The following BMPR2 variants were observed in gnomAD, a reference collection of about 807,000 sequenced individuals.
The protein encoded by BMPR2 is bone morphogenetic protein receptor type 2, also known as bone morphogenetic protein receptor type-2.
BMPR2 carries 29 observed loss-of-function variants against 100.8 expected under a neutral mutation model. The ratio of observed to expected loss-of-function variants is 0.29; its 90% confidence interval spans 0.21 to 0.39. The LOEUF is 0.39. Among genes scored for constraint, BMPR2 ranks in the 10% least tolerant of loss-of-function variants. The probability of loss-of-function intolerance (pLI) is 1.00; values close to 1 mark genes in which losing one functional copy is unlikely to be tolerated. For synonymous variants in BMPR2, 382 were observed against 442.3 expected, an observed-to-expected ratio of 0.86 and a Z score of 1.71; for missense variants, 1,011 against 1,274.5, an observed-to-expected ratio of 0.79 and a Z score of 3.15.
At chr2:202,452,428 G>A (rs1395442150) in intron 1 of BMPR2, among the ~76,000 whole-genome samples, 1 of 152,136 alleles carries the variant, frequency 6.6e-6, no homozygotes, top group Non-Finnish European at 1.5e-5. Context: ...TATTGTATGA[G>A]TTTTTGTGTG....
chr2:202,519,126 C>T lies in BMPR2; in HGVS notation c.852+74C>T, dbSNP rs571356333. 257 of 1,475,806 alleles carry T rather than the reference C, an allele frequency of 1.7e-4. 1 individual carries two copies. The South Asian group carries it at 2.7e-3, about 16-fold the overall frequency. The allele number at this position is 1,475,806 out of a possible 1,614,324, so 91.4% of individuals were successfully genotyped here. ...CCTGTAATCCCAGCACTTTTGGAGG[C>T]TAAGGCAGGTGGATCACTTGAGGCC... On this transcript the variant is annotated intron_variant, in intron 6 of 12. Transcript: ENST00000374580.
At chr2:202,550,655 TAGTC>T (rs1432044981) in intron 10 of BMPR2, among the ~76,000 whole-genome samples, 2 of 152,072 alleles carry the variant, frequency 1.3e-5, no homozygotes, top group Non-Finnish European at 2.9e-5. Flanking sequence ...AGTGGTGCCT[TAGTC>T]AGGCACAGTG....
intron 1 of BMPR2, among the ~76,000 whole-genome samples, chr2:202,462,055 C>T (rs1692235491): frequency 1.3e-5 from 2 of 152,024 alleles, no homozygotes; most frequent in South Asian, 4.1e-4. Flanking sequence ...GGTCTTTCCA[C>T]CTGCAAAGCT....
At chr2:202,388,727 G>A (rs1690485327) in intron 1 of BMPR2, among the ~76,000 whole-genome samples, 1 of 151,118 alleles carries the variant, frequency 6.6e-6, no homozygotes, top group Non-Finnish European at 1.5e-5. Context: ...GGTGGAGGTT[G>A]CAGTGAGCCG....
chr2:202,444,729 A>G (rs1234684049), intron 1 of BMPR2, among the ~76,000 whole-genome samples: 1 of 150,748 alleles, frequency 6.6e-6, no homozygotes, highest in Non-Finnish European at 1.5e-5. Flanking sequence ...GAAGTAGTGT[A>G]TCTTACATTT....
chr2:202,553,643 C>T (rs1446683159), intron 11 of BMPR2, among the ~76,000 whole-genome samples: 3 of 151,694 alleles, frequency 2.0e-5, no homozygotes, highest in Non-Finnish European at 2.9e-5. Context: ...TAAAAATAAA[C>T]TCGATTCTTG....
intron 1 of BMPR2, among the ~76,000 whole-genome samples, chr2:202,411,500 C>G (rs1559030036): frequency 6.6e-6 from 1 of 152,166 alleles, no homozygotes; most frequent in Non-Finnish European, 1.5e-5. Context: ...CACAAATAAA[C>G]TGGGCCCCTT....
intron 6 of BMPR2, 49 bp from the exon 7 acceptor site, chr2:202,520,038 G>T (rs1687792206): frequency 8.3e-7 from 1 of 1,205,546 alleles, no homozygotes. Context: ...TCATGTTAAA[G>T]TGAGTTAATT....
intron 1 of BMPR2, among the ~76,000 whole-genome samples, chr2:202,435,376 C>CATGTATATATATATAT (rs1691594541): frequency 9.7e-6 from 1 of 103,450 alleles, no homozygotes. Context: ...AAAAAAAATA[C>CATGTATATATATATAT]ATATATATAT....
Position 202,377,344 on chromosome 2 carries a change from C to G in BMPR2, c.-131C>G. 1 of 880,428 alleles carries G rather than the reference C, an allele frequency of 1.1e-6. No homozygotes were observed. Among genetic ancestry groups the G allele is most frequent in the Non-Finnish European group, 1.9e-6 (1 of 515,262 alleles). 54.5% of individuals were successfully genotyped at this position (880,428 alleles called of 1,614,324 possible). On this transcript the variant is annotated 5_prime_UTR_variant, in exon 1 of 13. Coordinates refer to ENST00000374580, the MANE Select transcript of BMPR2 (RefSeq NM_001204.7). ...CTAGGTCCTCTCATCAGCCATTTGT[C>G]CTTTCAAACTGTATTGTGATACGGG...
In BMPR2 at chr2:202,532,803, A is replaced by C; in HGVS notation, c.1276+71A>C. 6.7e-7 allele frequency: 1 copy of C among 1,502,092 alleles called. No individual in the cohort carries two copies. Among genetic ancestry groups the C allele is most frequent in the Non-Finnish European group, 9.1e-7 (1 of 1,096,464 alleles). 93.0% of individuals were successfully genotyped at this position (1,502,092 alleles called of 1,614,324 possible). On this transcript the variant is annotated intron_variant, in intron 9 of 12. Transcript: ENST00000374580. The surrounding 1 kb of genome is among the most constrained non-coding windows in gnomAD (Gnocchi z 4.1). ...TATATCTTCTTTCTCTACCTATAGTACCTAACTCAACTTTTATGTAAGAAT... is the reference window on the plus strand; with the variant it reads ...TATATCTTCTTTCTCTACCTATAGTCCCTAACTCAACTTTTATGTAAGAAT...
intron 1 of BMPR2, among the ~76,000 whole-genome samples, chr2:202,384,028 C>T (rs1321133765): frequency 1.3e-5 from 2 of 151,802 alleles, no homozygotes; most frequent in African/African-American, 4.8e-5. Flanking sequence ...AAAAATTACC[C>T]GGGCGTGGTG....
intron 1 of BMPR2, among the ~76,000 whole-genome samples, chr2:202,456,517 C>CTTTT (rs1247413090): frequency 3.0e-5 from 4 of 131,280 alleles, no homozygotes; most frequent in Non-Finnish European, 4.6e-5. Flanking sequence ...TTCTTTCTTT[C>CTTTT]TTTTTTTTTT....
chr2:202,447,789 A>G (rs1464570246), intron 1 of BMPR2, among the ~76,000 whole-genome samples: 1 of 150,782 alleles, frequency 6.6e-6, no homozygotes, highest in Non-Finnish European at 1.5e-5. Context: ...AAAATTTGAA[A>G]GGGAATGTGG....
At chr2:202,403,944 G>T (rs1372410304) in intron 1 of BMPR2, among the ~76,000 whole-genome samples, 1 of 150,782 alleles carries the variant, frequency 6.6e-6, no homozygotes, top group East Asian at 2.0e-4. Flanking sequence ...GGCGGAGGTT[G>T]TGGTGAGCCG....
Position 202,562,052 on chromosome 2 carries a change from A to G in BMPR2, c.*2106A>G, listed in dbSNP as rs1688685914. 6.6e-6 allele frequency: 1 copy of G among 152,116 alleles called. No homozygotes were observed. Among genetic ancestry groups the G allele is most frequent in the Admixed American group, 6.5e-5 (1 of 15,270 alleles). 9.4% of individuals were successfully genotyped at this position (152,116 alleles called of 1,614,324 possible). ...TATCTTTCCTAGTACATTTTCACTTAGTTCTCTTGCCCTTAAATATCTTTC... is the reference window on the plus strand; with the variant it reads ...TATCTTTCCTAGTACATTTTCACTTGGTTCTCTTGCCCTTAAATATCTTTC... On this transcript the variant is annotated 3_prime_UTR_variant, in exon 13 of 13. Transcript: ENST00000374580.
At chr2:202,465,057 T>G in intron 2 of BMPR2, 78 bp downstream of exon 2, 1 of 1,549,132 alleles carries the variant, frequency 6.5e-7, no homozygotes, top group East Asian at 2.3e-5. Context: ...TGGGAGTATG[T>G]TAAAATCCTG....
At chr2:202,391,347 A>G (rs1279824300) in intron 1 of BMPR2, among the ~76,000 whole-genome samples, 1 of 152,048 alleles carries the variant, frequency 6.6e-6, no homozygotes, top group Non-Finnish European at 1.5e-5. Flanking sequence ...TCTGCCACCC[A>G]GGCTGGAGTG....
chr2:202,553,448 A>G (rs1688515323), intron 11 of BMPR2, among the ~76,000 whole-genome samples: 1 of 152,118 alleles, frequency 6.6e-6, no homozygotes, highest in African/African-American at 2.4e-5. Flanking sequence ...TGTTAGAACT[A>G]TGATTTTTGG....
Sources: allele counts gnomAD v4.1 joint callset (sites outside exome capture counted in the v4.1 genomes callset), GRCh38; gene constraint gnomAD v4.1.1; non-coding constraint Gnocchi (gnomAD v3.1); transcripts MANE v1.5; gene names NCBI Gene and HGNC (gene_info 2026-07-23, HGNC 2026-07-21).